Variants in CASK observed in about 807,000 individuals in gnomAD.
The protein encoded by CASK is peripheral plasma membrane protein CASK.
CASK carries 4 observed loss-of-function variants against 82.9 expected under a neutral mutation model. That is an observed-to-expected ratio of 0.05 (90% CI 0.02 to 0.11). The LOEUF (loss-of-function observed/expected upper bound fraction) is 0.11. Among genes scored for constraint, CASK ranks in the 10% least tolerant of loss-of-function variants. The pLI, the probability that CASK is intolerant of heterozygous loss-of-function variation, is 1.00. For synonymous variants in CASK, 259 were observed against 253.5 expected, an observed-to-expected ratio of 1.02 and a Z score of -0.20; for missense variants, 358 against 720.9, an observed-to-expected ratio of 0.50 and a Z score of 5.76.
At chrX:41,732,416 T>C (rs754940090) in intron 5 of CASK, among the ~76,000 whole-genome samples, 1 of 111,623 alleles carries the variant, frequency 9.0e-6, no homozygotes, top group African/African-American at 3.3e-5. Flanking sequence ...GGCCTATCAC[T>C]GGCCTTGTGC....
At chrX:41,820,606 A>G (rs1460143590) in intron 2 of CASK, among the ~76,000 whole-genome samples, 1 of 111,323 alleles carries the variant, frequency 9.0e-6, no homozygotes, top group Non-Finnish European at 1.9e-5. Flanking sequence ...GATTAAAAGT[A>G]ACACCAATCA....
At chrX:41,628,934 T>C (rs1569352079) in intron 9 of CASK, among the ~76,000 whole-genome samples, 1 of 112,104 alleles carries the variant, frequency 8.9e-6, no homozygotes, top group African/African-American at 3.2e-5. Flanking sequence ...TTATTTTTAT[T>C]TCCAAATGAA....
In CASK at chrX:41,563,040, C is replaced by CAAA. The variant is rs141364032; in HGVS notation, c.1583-1399_1583-1397dup. Among the ~76,000 whole-genome samples, 87 of 22,154 alleles carry CAAA rather than the reference C, an allele frequency of 3.9e-3. 5 individuals carry two copies. Among genetic ancestry groups the CAAA allele is most frequent in the East Asian group, 5.2e-3 (3 of 580 alleles). The allele number at this position is 22,154 out of a possible 115,157, so 19.2% of individuals were successfully genotyped here. A position where few individuals can be genotyped will look rare whatever the true frequency, so the allele number is the denominator to read the frequency against. ...TGGGCGACAGAGCGAGACTCCATCT[C>CAAA]AAAAAAAAAAAAAAAAAAAAAAAAA... On this transcript the variant is annotated intron_variant, in intron 16 of 26. Coordinates refer to ENST00000378163, the MANE Select transcript of CASK (RefSeq NM_001367721.1).
chrX:41,920,984 G>T (rs1368390036), intron 1 of CASK, among the ~76,000 whole-genome samples: 1 of 111,908 alleles, frequency 8.9e-6, no homozygotes, highest in East Asian at 2.8e-4. Context: ...TATCTTCACT[G>T]GGTGCTCCTA....
At chrX:41,656,118 G>A (rs1431951694) in intron 8 of CASK, among the ~76,000 whole-genome samples, 2 of 111,821 alleles carry the variant, frequency 1.8e-5, no homozygotes, top group Non-Finnish European at 3.8e-5. Flanking sequence ...TGGCCACCTG[G>A]GTCCATCAAA....
chrX:41,803,612 T>G (rs1488024492), intron 2 of CASK, among the ~76,000 whole-genome samples: 1 of 110,487 alleles, frequency 9.1e-6, no homozygotes, highest in Non-Finnish European at 1.9e-5. Flanking sequence ...AACAAAAAAC[T>G]AAGCAATCAA....
intron 1 of CASK, among the ~76,000 whole-genome samples, chrX:41,881,145 A>G: frequency 9.0e-6 from 1 of 111,712 alleles, no homozygotes; most frequent in East Asian, 2.8e-4. Flanking sequence ...CTGTCCCTTC[A>G]AGATTTAGCT....
intron 11 of CASK, among the ~76,000 whole-genome samples, chrX:41,612,291 G>A (rs1275164536): frequency 9.1e-6 from 1 of 109,952 alleles, no homozygotes; most frequent in Non-Finnish European, 1.9e-5. Context: ...TCTGAGATGT[G>A]GGGAGCGCCT....
intron 5 of CASK, chrX:41,676,530 G>T: frequency 1.8e-6 from 2 of 1,142,613 alleles, no homozygotes; most frequent in Non-Finnish European, 2.3e-6. Flanking sequence ...CCCTCGCGCC[G>T]GCACGCGGCC....
At chrX:41,786,714 G>A (rs1158263538) in intron 3 of CASK, 1 of 144,613 alleles carries the variant, frequency 6.9e-6, no homozygotes, top group Non-Finnish European at 1.3e-5. Flanking sequence ...GACATATCAA[G>A]TGACTTATTG....
chrX:41,895,118 G>A (rs1338817711), intron 1 of CASK, among the ~76,000 whole-genome samples: 2 of 111,200 alleles, frequency 1.8e-5, no homozygotes, highest in Admixed American at 1.9e-4. Context: ...ACAACTTAGT[G>A]CTAGAAATAC....
intron 5 of CASK, among the ~76,000 whole-genome samples, chrX:41,733,897 A>G (rs971547733): frequency 8.9e-6 from 1 of 112,043 alleles, no homozygotes; most frequent in East Asian, 2.8e-4. Flanking sequence ...ACAAGAGACT[A>G]CGGAATGCTT....
intron 1 of CASK, among the ~76,000 whole-genome samples, chrX:41,870,956 GTC>G (rs997538925): frequency 2.7e-5 from 3 of 112,287 alleles, no homozygotes; most frequent in Non-Finnish European, 5.6e-5. Context: ...TAGGTCAGGA[GTC>G]CAGGTGTCTC....
intron 15 of CASK, among the ~76,000 whole-genome samples, chrX:41,575,383 G>T (rs760376657): frequency 2.1e-4 from 23 of 111,703 alleles, no homozygotes; most frequent in Non-Finnish European, 3.8e-4. Context: ...CATAGCTTGG[G>T]TTAGGTGCCT....
intron 5 of CASK, among the ~76,000 whole-genome samples, chrX:41,684,606 C>T (rs1318887388): frequency 9.0e-6 from 1 of 111,426 alleles, no homozygotes; most frequent in South Asian, 3.8e-4. Flanking sequence ...AAGCGATTCT[C>T]GTGCCTCAGC....
chrX:41,585,829 A>C lies in CASK; in HGVS notation c.1314+1078T>G, dbSNP rs1013045778. On this transcript the variant is annotated intron_variant, in intron 14 of 26. Transcript: ENST00000378163. ...TAATAACTCACAGGTAATTGCTTTG[A>C]TACACATATTATACTGTTACTATTA... 3.6e-5 allele frequency: 4 copies of C among 109,970 alleles called. No individual in the cohort carries two copies. In the Admixed American group the frequency reaches 3.9e-4, roughly 11 times the overall value. 9.1% of individuals were successfully genotyped at this position (109,970 alleles called of 1,213,427 possible).
chrX:41,880,469 G>A (rs1363415181), intron 1 of CASK, among the ~76,000 whole-genome samples: 2 of 111,628 alleles, frequency 1.8e-5, no homozygotes, highest in African/African-American at 6.5e-5. Flanking sequence ...ATAGTTCTCA[G>A]TGCTCTACAT....
At chrX:41,894,597 T>TAA (rs1209248352) in intron 1 of CASK, among the ~76,000 whole-genome samples, 68 of 40,463 alleles carry the variant, frequency 1.7e-3, no homozygotes, top group African/African-American at 3.1e-3. Context: ...ACCCAAATAT[T>TAA]AAAAAAAAAA....
In CASK at chrX:41,533,379, T is replaced by G. The variant is rs761315021; in HGVS notation, c.2317+1327A>C. Among the ~76,000 whole-genome samples, 3 of 112,298 alleles carry G rather than the reference T, an allele frequency of 2.7e-5. No individual in the cohort carries two copies. In the South Asian group the frequency reaches 1.1e-3, roughly 41 times the overall value. On this transcript the variant is annotated intron_variant, in intron 24 of 26. Coordinates refer to ENST00000378163, the MANE Select transcript of CASK (RefSeq NM_001367721.1). ...GAATTAAAAGAACACTTCAAAGTGT[T>G]TTACTAGAAAACCCCAGTAGTGCCA... is the stretch of plus-strand genomic sequence containing the variant.
Sources: allele counts gnomAD v4.1 joint callset (sites outside exome capture counted in the v4.1 genomes callset), GRCh38; gene constraint gnomAD v4.1.1; transcripts MANE v1.5; gene names NCBI Gene and HGNC (gene_info 2026-07-23, HGNC 2026-07-21).